Variants in CYP3A43 observed in about 807,000 individuals in gnomAD.
The protein encoded by CYP3A43 is cytochrome P450 3A43.
Under a neutral mutation model 58.0 loss-of-function variants are expected in CYP3A43, and 45 were observed. The observed-to-expected ratio is 0.78, with a 90% CI of 0.61 to 0.99. The LOEUF is 0.99. Among genes scored for constraint, CYP3A43 ranks in the 50% least tolerant of loss-of-function variants. The probability of loss-of-function intolerance (pLI) is 0.00; values close to 1 mark genes in which losing one functional copy is unlikely to be tolerated. For missense variants in CYP3A43, 593 were observed against 591.9 expected (o/e 1.00, Z -0.02); for synonymous variants, 191 against 201.4 (o/e 0.95, Z 0.44).
chr7:99,846,553 G>A (rs549061), intron 4 of CYP3A43, among the ~76,000 whole-genome samples: 29,597 of 151,912 alleles, frequency 0.19, 5,826 homozygotes, highest in African/African-American at 0.51. Flanking sequence ...ATTTCTTGCC[G>A]TCCAATCTGT....
In CYP3A43 at chr7:99,861,821, A is replaced by G; in HGVS notation, c.1235A>G (p.Glu412Gly). ...HHDPKYWTEP[E>G]KFCPERFSKK... Reference sequence around the variant, plus strand: ...GACCCAAAGTACTGGACAGAGCCTGAGAAGTTCTGCCCTGAAAGGTACAAG... The same window carrying G: ...GACCCAAAGTACTGGACAGAGCCTGGGAAGTTCTGCCCTGAAAGGTACAAG... Residue 412 changes from glutamate (E) to glycine (G), a missense_variant, in exon 11 of 13, where the codon GAG becomes GGG. Transcript: ENST00000354829. 6.2e-7 allele frequency: 1 copy of G among 1,613,776 alleles called. No individual in the cohort carries two copies. Among genetic ancestry groups the G allele is most frequent in the Non-Finnish European group, 8.5e-7 (1 of 1,179,692 alleles).
At chr7:99,838,776 T>TCGAGAC (rs1156951189) in intron 2 of CYP3A43, 1 of 764,794 alleles carries the variant, frequency 1.3e-6, no homozygotes, top group Non-Finnish European at 1.9e-6. Flanking sequence ...GGTCAGGAGT[T>TCGAGAC]CGAGACCAGC....
chr7:99,845,806 C>A (rs1156772805), intron 4 of CYP3A43, among the ~76,000 whole-genome samples: 1 of 150,634 alleles, frequency 6.6e-6, no homozygotes, highest in South Asian at 2.1e-4. Context: ...AAGACGGTCT[C>A]GCTCTGTAGC....
At chr7:99,844,324 G>A (rs1485814871) in intron 4 of CYP3A43, 82 bp downstream of exon 4, 7 of 1,348,016 alleles carry the variant, frequency 5.2e-6, no homozygotes, top group African/African-American at 2.9e-5. Flanking sequence ...CCAGAAAATG[G>A]ACAGGAAAGT....
intron 9 of CYP3A43, among the ~76,000 whole-genome samples, chr7:99,858,890 G>T (rs886488281): frequency 1.2e-4 from 18 of 151,944 alleles, no homozygotes; most frequent in African/African-American, 3.6e-4. Context: ...TAGAGATGGG[G>T]TTTCACCATG....
Position 99,847,523 on chromosome 7 carries a change from A to T in CYP3A43, c.354A>T (p.Leu118Phe). Reference sequence around the variant, plus strand: ...CAATGGGATTTCTGAAAAGTGCCTTAAGTTTTGCTGAAGATGAAGAATGGA... The same window carrying T: ...CAATGGGATTTCTGAAAAGTGCCTTTAGTTTTGCTGAAGATGAAGAATGGA... Reference protein sequence around the residue: ...LGPMGFLKSALSFAEDEEWKR... With the variant: ...LGPMGFLKSAFSFAEDEEWKR... Residue 118 changes from leucine to phenylalanine, a missense_variant, in exon 5 of 13, where the codon TTA (leucine) becomes TTT (phenylalanine). By Grantham distance (22) the Leu-to-Phe change is conservative. Coordinates refer to ENST00000354829, the MANE Select transcript of CYP3A43 (RefSeq NM_057095.3). 6.2e-7 allele frequency: 1 copy of T among 1,614,022 alleles called. No homozygotes were observed. The highest frequency in any genetic ancestry group is 1.1e-5 in the South Asian group (1 of 91,080).
At chr7:99,844,961 C>T (rs187080343) in intron 4 of CYP3A43, among the ~76,000 whole-genome samples, 24 of 151,192 alleles carry the variant, frequency 1.6e-4, no homozygotes, top group Non-Finnish European at 2.5e-4. Flanking sequence ...CCCAGCTACT[C>T]GGGAGGCTGA....
At chr7:99,852,733 G>C (rs1817810459) in intron 7 of CYP3A43, among the ~76,000 whole-genome samples, 1 of 152,130 alleles carries the variant, frequency 6.6e-6, no homozygotes, top group African/African-American at 2.4e-5. Flanking sequence ...CATGATCTTA[G>C]GGGGAAAGGT....
At chr7:99,863,471 A>G (rs940266288) in intron 11 of CYP3A43, 66 bp from the exon 12 acceptor site, 3 of 1,407,924 alleles carry the variant, frequency 2.1e-6, no homozygotes, top group East Asian at 4.9e-5. Context: ...CACACCCTGC[A>G]TAACGTGTAG....
At chr7:99,834,225 C>G (rs1490858097) in intron 1 of CYP3A43, among the ~76,000 whole-genome samples, 1 of 152,054 alleles carries the variant, frequency 6.6e-6, no homozygotes, top group African/African-American at 2.4e-5. Flanking sequence ...AAGGACTGCC[C>G]GCAACCTTAT....
intron 3 of CYP3A43, among the ~76,000 whole-genome samples, chr7:99,842,403 C>T (rs1486450454): frequency 6.6e-6 from 1 of 152,114 alleles, no homozygotes; most frequent in Non-Finnish European, 1.5e-5. Context: ...GACTTCATTT[C>T]CTATGAATTG....
At chr7:99,844,315 C>T (rs998650681) in intron 4 of CYP3A43, 73 bp downstream of exon 4, 2 of 1,442,660 alleles carry the variant, frequency 1.4e-6, no homozygotes, top group Admixed American at 3.8e-5. Flanking sequence ...GAAACTTGCC[C>T]AGAAAATGGA....
intron 3 of CYP3A43, among the ~76,000 whole-genome samples, chr7:99,842,170 C>T (rs1817358992): frequency 6.6e-6 from 1 of 152,102 alleles, no homozygotes; most frequent in Admixed American, 6.5e-5. Context: ...CATTTTCTGC[C>T]AAACTAACTC....
Position 99,839,265 on chromosome 7 carries a change from G to A in CYP3A43, c.218+93G>A, listed in dbSNP as rs1817230127. On this transcript the variant is annotated intron_variant, in intron 3 of 12. Transcript: ENST00000354829. ...ACAATCTCAGCCCAGATTTTGTTTG[G>A]ATAATGCTATTGTCAACCTAAGTAA... 3.4e-6 allele frequency: 5 copies of A among 1,472,966 alleles called. No homozygotes were observed. In the Admixed American group the frequency reaches 6.8e-5, roughly 20 times the overall value. 91.2% of individuals were successfully genotyped at this position (1,472,966 alleles called of 1,614,324 possible).
At position 99,861,646 on chromosome 7, in the gene CYP3A43, G is replaced by C. The variant is rs1027499595; in HGVS notation, c.1060G>C (p.Glu354Gln). 5 of 1,613,996 alleles carry C rather than the reference G, an allele frequency of 3.1e-6. No individual in the cohort carries two copies. In the African/African-American group the frequency reaches 5.3e-5, roughly 17 times the overall value. Residue 354 changes from glutamate to glutamine, a missense_variant, in exon 11 of 13, where the codon GAG (glutamate) becomes CAG (glutamine). By Grantham distance (29) the Glu-to-Gln change is conservative. Coordinates refer to ENST00000354829, the MANE Select transcript of CYP3A43 (RefSeq NM_057095.3). ...CACCTACGATGCCCTGGTACAGATG[G>C]AGTACCTTGACATGGTGGTGAATGA... ...PVTYDALVQM[E>Q]YLDMVVNETL...
At chr7:99,855,419 G>A (rs1414441384) in intron 7 of CYP3A43, 172 bp from the exon 8 acceptor site, 2 of 759,744 alleles carry the variant, frequency 2.6e-6, no homozygotes, top group African/African-American at 1.8e-5. Context: ...TCAGCCATTG[G>A]CATGGAAGAG....
chr7:99,862,979 G>A (rs190306376), intron 11 of CYP3A43, among the ~76,000 whole-genome samples: 11 of 152,278 alleles, frequency 7.2e-5, no homozygotes, highest in African/African-American at 1.7e-4. Context: ...ATAGTAAGTG[G>A]TTACCGTGTG....
rs150091887 is a variant in CYP3A43, at chr7:99,861,525, G to A, written c.1027-88G>A. On this transcript the variant is annotated intron_variant, in intron 10 of 12. Coordinates refer to ENST00000354829, the MANE Select transcript of CYP3A43 (RefSeq NM_057095.3). ...TTACCAGAATGAATTATTCTCTGGA[G>A]CTCCTAACACTTCAATAGTACTGCA... 497 of 1,087,726 alleles carry A rather than the reference G, an allele frequency of 4.6e-4. 3 individuals carry two copies. In the African/African-American group the frequency reaches 7.1e-3, roughly 16 times the overall value. The allele number at this position is 1,087,726 out of a possible 1,614,324, so 67.4% of individuals were successfully genotyped here. A position where few individuals can be genotyped will look rare whatever the true frequency, so the allele number is the denominator to read the frequency against.
Position 99,848,160 on chromosome 7 carries a change from T to C in CYP3A43, c.433-6T>C, listed in dbSNP as rs376128279. On this transcript the variant is annotated splice_region_variant and splice_polypyrimidine_tract_variant and intron_variant, in intron 5 of 12. Coordinates refer to ENST00000354829, the MANE Select transcript of CYP3A43 (RefSeq NM_057095.3). ...GTAGTTAACTATGGGTGGTGTTGTG[T>C]TTTAGATGGTCCCCATCATTTCCCA... 6.2e-7 allele frequency: 1 copy of C among 1,613,856 alleles called. No homozygotes were observed. The highest frequency in any genetic ancestry group is 8.5e-7 in the Non-Finnish European group (1 of 1,179,938).
Sources: allele counts gnomAD v4.1 joint callset (sites outside exome capture counted in the v4.1 genomes callset), GRCh38; gene constraint gnomAD v4.1.1; transcripts MANE v1.5; gene names NCBI Gene and HGNC (gene_info 2026-07-23, HGNC 2026-07-21).